The following RIBC2 variants were observed in gnomAD, a reference collection of about 807,000 sequenced individuals.
RIBC2 encodes RIB43A-like with coiled-coils protein 2.
Under a neutral mutation model 44.3 loss-of-function variants are expected in RIBC2, and 40 were observed. The ratio of observed to expected loss-of-function variants is 0.90; its 90% CI spans 0.70 to 1.18. The LOEUF is 1.18. RIBC2 is among the 50% of genes most tolerant of loss of function. RIBC2 has a pLI of 0.00. For synonymous variants in RIBC2, 171 were observed against 175.0 expected, an observed-to-expected ratio of 0.98 and a Z score of 0.18; for missense variants, 459 against 485.5, an observed-to-expected ratio of 0.95 and a Z score of 0.51.
chr22:45,426,018 C>T lies in RIBC2; in HGVS notation c.746C>T (p.Thr249Ile). 6.2e-7 allele frequency: 1 copy of T among 1,614,110 alleles called. No individual in the cohort carries two copies. Among genetic ancestry groups the T allele is most frequent in the Non-Finnish European group, 8.5e-7 (1 of 1,180,026 alleles). ...CAAGAGGACAACTTGGCCGAGATCA[C>T]CAACCTCCTGCGTGGGGACCTGCTC... Reference protein sequence around the residue: ...QEQEDNLAEITNLLRGDLLSE... With the variant: ...QEQEDNLAEIINLLRGDLLSE... Residue 249 changes from threonine (T) to isoleucine (I), a missense_variant, in exon 5 of 7, where the codon ACC (threonine) becomes ATC (isoleucine). Physicochemically the swap from Thr to Ile is moderately conservative, Grantham distance 89. Coordinates refer to ENST00000614167, the MANE Select transcript of RIBC2 (RefSeq NM_015653.5).
In RIBC2 at chr22:45,421,550, A is replaced by T. The variant is rs12157336; in HGVS notation, c.557-740A>T. Among the ~76,000 whole-genome samples the T allele has an allele frequency of 2.9e-3, 92 of 31,220 alleles. No homozygotes were observed. The African/African-American group carries it at 0.033, about 11-fold the overall frequency. 20.5% of individuals were successfully genotyped at this position (31,220 alleles called of 152,430 possible). A position where few individuals can be genotyped will look rare whatever the true frequency, so the allele number is the denominator to read the frequency against. The stretch of plus-strand genomic sequence containing the variant: ...AATAGTATTATTAATAATATTAATA[A>T]TAATAATAGTATTATTAATAATAGT... On this transcript the variant is annotated intron_variant, in intron 3 of 6. Transcript: ENST00000614167.
chr22:45,417,991 C>T, intron 3 of RIBC2, 45 bp downstream of exon 3: 1 of 955,964 alleles, frequency 1.0e-6, no homozygotes, highest in Non-Finnish European at 1.4e-6. Flanking sequence ...CTCTCTTCAA[C>T]AAACCAACCC....
chr22:45,421,892 G>A (rs1311160619), intron 3 of RIBC2, among the ~76,000 whole-genome samples: 1 of 152,024 alleles, frequency 6.6e-6, no homozygotes, highest in Non-Finnish European at 1.5e-5. Flanking sequence ...AGTCCTGTCT[G>A]GTTTCTTGCT....
At chr22:45,431,111 G>C (rs2087576706) in intron 6 of RIBC2, 45 bp downstream of exon 6, 1 of 1,548,966 alleles carries the variant, frequency 6.5e-7, no homozygotes. Flanking sequence ...ACCGGGTGGA[G>C]GGACCGCGGG....
intron 3 of RIBC2, among the ~76,000 whole-genome samples, chr22:45,419,152 C>G (rs2087453623): frequency 6.6e-6 from 1 of 152,216 alleles, no homozygotes; most frequent in Admixed American, 6.5e-5. Flanking sequence ...TTAAATGCCA[C>G]CTATAGGCCA....
chr22:45,415,309 A>C (rs2087413132), intron 2 of RIBC2, among the ~76,000 whole-genome samples: 1 of 152,028 alleles, frequency 6.6e-6, no homozygotes, highest in Non-Finnish European at 1.5e-5. Context: ...TTATGTTTTT[A>C]AAATATTTTA....
intron 5 of RIBC2, among the ~76,000 whole-genome samples, chr22:45,427,895 A>G (rs1449673643): frequency 2.0e-5 from 3 of 152,180 alleles, no homozygotes; most frequent in Non-Finnish European, 4.4e-5. Flanking sequence ...TCAGCCTCCC[A>G]TAGTGCCGGG....
intron 3 of RIBC2, among the ~76,000 whole-genome samples, chr22:45,418,820 T>A (rs1326639970): frequency 1.3e-5 from 2 of 152,118 alleles, no homozygotes; most frequent in Non-Finnish European, 2.9e-5. Flanking sequence ...CCAGATCATC[T>A]TCTCCCATTC....
In RIBC2 at chr22:45,432,442, C is replaced by A; in HGVS notation, c.*80C>A. Reference sequence around the variant, plus strand: ...GAGTCACGTTTCTTTTTTAAAGATACACTCCTTGGGCCACAAGTACCCTTC... The same window carrying A: ...GAGTCACGTTTCTTTTTTAAAGATAAACTCCTTGGGCCACAAGTACCCTTC... On this transcript the variant is annotated 3_prime_UTR_variant, in exon 7 of 7. Transcript: ENST00000614167. 1 of 925,686 alleles carries A rather than the reference C, an allele frequency of 1.1e-6. No individual in the cohort carries two copies. The highest frequency in any genetic ancestry group is 1.7e-6 in the Non-Finnish European group (1 of 579,022). 57.3% of individuals were successfully genotyped at this position (925,686 alleles called of 1,614,324 possible). A position where few individuals can be genotyped will look rare whatever the true frequency, so the allele number is the denominator to read the frequency against.
At chr22:45,432,194 A>C (rs2146893610) in intron 6 of RIBC2, 90 bp from the exon 7 acceptor site, 1 of 682,292 alleles carries the variant, frequency 1.5e-6, no homozygotes, top group South Asian at 2.0e-5. Context: ...CACTAATAAA[A>C]AGTTTGTGTG....
intron 4 of RIBC2, among the ~76,000 whole-genome samples, chr22:45,424,316 G>A (rs1003159617): frequency 1.3e-5 from 2 of 152,228 alleles, no homozygotes; most frequent in African/African-American, 4.8e-5. Flanking sequence ...CAGTTCTTGG[G>A]TCGGGGCTCA....
chr22:45,416,902 T>TG (rs1401295845), intron 2 of RIBC2, among the ~76,000 whole-genome samples: 4 of 148,732 alleles, frequency 2.7e-5, no homozygotes, highest in Non-Finnish European at 6.0e-5. Flanking sequence ...TACTCAGGTT[T>TG]TTTTTTTTTT....
At position 45,426,070 on chromosome 22, in the gene RIBC2, C is replaced by T. The variant is rs1319502368; in HGVS notation, c.798C>T (p.Ser266=). 1.9e-6 allele frequency: 3 copies of T among 1,614,052 alleles called. No individual in the cohort carries two copies. Among genetic ancestry groups the T allele is most frequent in the Middle Eastern group, 1.7e-4 (1 of 6,060 alleles). ...LLSENPQQAA[S]SFGPHRVVPD... ...CCGAGAACCCGCAGCAGGCAGCCAGCTCCTTCGGGCCCCACCGCGTGGTCC... is the reference window on the plus strand; with the variant it reads ...CCGAGAACCCGCAGCAGGCAGCCAGTTCCTTCGGGCCCCACCGCGTGGTCC... The change falls in exon 5 of 7, where the codon AGC becomes AGT. Residue 266 remains serine (S), a synonymous_variant. Transcript: ENST00000614167.
intron 5 of RIBC2, among the ~76,000 whole-genome samples, chr22:45,429,340 G>C (rs377215397): frequency 4.9e-4 from 74 of 152,292 alleles, no homozygotes; most frequent in African/African-American, 1.7e-3. Flanking sequence ...CTGAGCAGCT[G>C]GGGACAAGAG....
In RIBC2 at chr22:45,431,034, C is replaced by A. The variant is rs550270094; in HGVS notation, c.1038C>A (p.Ser346Arg). Residue 346 changes from serine (S) to arginine (R), a missense_variant, in exon 6 of 7, where the codon AGC becomes AGA. Transcript: ENST00000614167. Reference protein sequence around the residue: ...QRDLRRALDSSNLSLAKEQHL... With the variant: ...QRDLRRALDSRNLSLAKEQHL... Reference sequence around the variant, plus strand: ...ACCTGCGCAGAGCTCTGGACAGCAGCAACCTCAGCCTGGCCAAGGAGCAGC... The same window carrying A: ...ACCTGCGCAGAGCTCTGGACAGCAGAAACCTCAGCCTGGCCAAGGAGCAGC... 3.1e-5 allele frequency: 49 copies of A among 1,582,580 alleles called. 1 individual carries two copies. In the South Asian group the frequency reaches 4.8e-4, roughly 16 times the overall value.
At chr22:45,424,537 G>A (rs778827615) in intron 4 of RIBC2, among the ~76,000 whole-genome samples, 2 of 152,232 alleles carry the variant, frequency 1.3e-5, no homozygotes, top group Non-Finnish European at 2.9e-5. Context: ...CAGTCTCAGT[G>A]GCTTAAACAG....
chr22:45,418,154 C>T, intron 3 of RIBC2: 1 of 449,996 alleles, frequency 2.2e-6, no homozygotes, highest in South Asian at 4.5e-5. Flanking sequence ...TCAGAGCCTG[C>T]CCTCCAGGAG....
At chr22:45,414,045 G>A in intron 1 of RIBC2, 30 bp downstream of exon 1, 1 of 1,550,118 alleles carries the variant, frequency 6.5e-7, no homozygotes, top group Non-Finnish European at 8.7e-7. Flanking sequence ...GACGGGGTTA[G>A]AGCGGCAGAT....
intron 5 of RIBC2, among the ~76,000 whole-genome samples, 160 bp downstream of exon 5, chr22:45,426,335 T>C (rs1025042542): frequency 4.6e-5 from 7 of 152,186 alleles, no homozygotes; most frequent in Non-Finnish European, 8.8e-5. Context: ...AGCCAGATAG[T>C]GTCACACCCG....
Sources: allele counts gnomAD v4.1 joint callset (sites outside exome capture counted in the v4.1 genomes callset), GRCh38; gene constraint gnomAD v4.1.1; transcripts MANE v1.5; gene names NCBI Gene and HGNC (gene_info 2026-07-23, HGNC 2026-07-21).